TUSC3: variants seen among roughly 807,000 people sequenced by gnomAD.
TUSC3 encodes the protein tumor suppressor candidate 3.
TUSC3 carries 45 observed loss-of-function variants against 44.8 expected under a neutral mutation model. The observed-to-expected ratio is 1.00, with a 90% CI of 0.79 to 1.29. The LOEUF is 1.29. TUSC3 is among the 50% of genes most tolerant of loss of function. The probability of loss-of-function intolerance (pLI) is 0.00; values close to 1 mark genes in which losing one functional copy is unlikely to be tolerated. For missense variants in TUSC3, 519 were observed against 437.9 expected (o/e 1.19, Z -1.65); for synonymous variants, 212 against 152.9 (o/e 1.39, Z -2.85).
chr8:15,433,043 G>C (rs1799889985), intron 1 of TUSC3, among the ~76,000 whole-genome samples: 1 of 152,178 alleles, frequency 6.6e-6, no homozygotes, highest in South Asian at 2.1e-4. Flanking sequence ...ACTGAAGGGA[G>C]TTGATAGGGG....
At chr8:15,551,842 A>C (rs1398317119) in intron 1 of TUSC3, among the ~76,000 whole-genome samples, 5 of 151,728 alleles carry the variant, frequency 3.3e-5, no homozygotes, top group African/African-American at 1.2e-4. Flanking sequence ...TTCCTTCAAA[A>C]GTTACTTCTG....
At chr8:15,688,594 C>T (rs899784956) in intron 6 of TUSC3, among the ~76,000 whole-genome samples, 17 of 152,000 alleles carry the variant, frequency 1.1e-4, no homozygotes, top group South Asian at 4.2e-4. Flanking sequence ...TCAAGTATAC[C>T]CTAGTATCTG....
At chr8:15,634,626 C>G (rs1805980499) in intron 2 of TUSC3, among the ~76,000 whole-genome samples, 1 of 152,148 alleles carries the variant, frequency 6.6e-6, no homozygotes, top group Non-Finnish European at 1.5e-5. Flanking sequence ...GAGAGCTGCA[C>G]CAGTGTGTTT....
At chr8:15,757,347 G>T (rs1473395019) in intron 9 of TUSC3, among the ~76,000 whole-genome samples, 1 of 152,120 alleles carries the variant, frequency 6.6e-6, no homozygotes, top group Non-Finnish European at 1.5e-5. Flanking sequence ...CAGAATAACA[G>T]CTAAAAATGA....
chr8:15,459,919 T>C (rs568088837), intron 1 of TUSC3, among the ~76,000 whole-genome samples: 65 of 152,204 alleles, frequency 4.3e-4, no homozygotes, highest in African/African-American at 1.6e-3. Context: ...TACCACAGTT[T>C]CTTTATCCAC....
In TUSC3 at chr8:15,451,730, G is replaced by A. The variant is rs188518357; in HGVS notation, n.92-31656G>A. 2.8e-4 allele frequency among the ~76,000 whole-genome samples: 43 copies of A among 152,210 alleles called. No homozygotes were observed. In the East Asian group the frequency reaches 7.0e-3, roughly 25 times the overall value. On this transcript the variant is annotated intron_variant and non_coding_transcript_variant, in intron 1 of 5. Coordinates refer to the TUSC3 transcript ENST00000503191. ...CAGGTGAGAACCTGGGCTTGCAATC[G>A]ATGGGGGCAATATTGTGTGACTGAG...
At chr8:15,571,579 C>G (rs1802879580) in intron 1 of TUSC3, among the ~76,000 whole-genome samples, 1 of 152,138 alleles carries the variant, frequency 6.6e-6, no homozygotes, top group Admixed American at 6.5e-5. Context: ...TTGATGGCTA[C>G]TGACCAATAA....
intron 6 of TUSC3, among the ~76,000 whole-genome samples, chr8:15,719,226 C>T (rs954093227): frequency 6.6e-6 from 1 of 152,064 alleles, no homozygotes; most frequent in Non-Finnish European, 1.5e-5. Flanking sequence ...GACCCTCTTA[C>T]ATTTCCTTGA....
In TUSC3 at chr8:15,748,564, G is replaced by A. The variant is rs746380584; in HGVS notation, c.1028+99G>A. The A allele has an allele frequency of 4.2e-6, 5 of 1,194,098 alleles. No individual in the cohort carries two copies. In the East Asian group the frequency reaches 7.0e-5, roughly 17 times the overall value. 74.0% of individuals were successfully genotyped at this position (1,194,098 alleles called of 1,614,324 possible). On this transcript the variant is annotated intron_variant, in intron 9 of 10. Transcript: ENST00000503731. Reference sequence around the variant, plus strand: ...TTAAGGATGAATGTAAAGTTGCTGTGTGGTTTTTTTAAATTCAGTTAAGCA... The same window carrying A: ...TTAAGGATGAATGTAAAGTTGCTGTATGGTTTTTTTAAATTCAGTTAAGCA...
Position 15,693,581 on chromosome 8 carries a change from T to G in TUSC3, c.798+19745T>G, listed in dbSNP as rs370299439. Among the ~76,000 whole-genome samples the G allele has an allele frequency of 2.0e-5, 3 of 151,568 alleles. No individual in the cohort carries two copies. The South Asian group carries it at 6.3e-4, about 32-fold the overall frequency. On this transcript the variant is annotated intron_variant, in intron 6 of 10. Coordinates refer to ENST00000503731, the MANE Select transcript of TUSC3 (RefSeq NM_006765.4). ...GGCCCTTTTCTCTAGCTGCCTTAGCTTTTTTTTCCTTTCATTTTGACCTTA... is the reference window on the plus strand; with the variant it reads ...GGCCCTTTTCTCTAGCTGCCTTAGCGTTTTTTTCCTTTCATTTTGACCTTA...
chr8:15,573,168 T>TCTCTCTCTCTC (rs1563296867), intron 1 of TUSC3, among the ~76,000 whole-genome samples: 2 of 85,548 alleles, frequency 2.3e-5, no homozygotes, highest in African/African-American at 1.0e-4. Flanking sequence ...TTCTCTCTCT[T>TCTCTCTCTCTC]TCTCTCTCTC....
chr8:15,741,180 T>C (rs1314036967), intron 7 of TUSC3, among the ~76,000 whole-genome samples: 2 of 152,182 alleles, frequency 1.3e-5, no homozygotes, highest in African/African-American at 4.8e-5. Context: ...TATATGTGTA[T>C]AAAATTTGAC....
At chr8:15,565,388 G>A (rs1321893800) in intron 1 of TUSC3, among the ~76,000 whole-genome samples, 1 of 152,086 alleles carries the variant, frequency 6.6e-6, no homozygotes, top group Non-Finnish European at 1.5e-5. Flanking sequence ...CACATCTTGT[G>A]TCAGGTAAGG....
At chr8:15,806,142 C>G in the TUSC3 span, 1 of 450,312 alleles carries the variant, frequency 2.2e-6, no homozygotes, top group Admixed American at 2.8e-5. Flanking sequence ...GCTAGATGAG[C>G]AGTTTTAGCA....
rs146465621 is a variant in TUSC3, at chr8:15,581,994, T to C, written c.139-41086T>C. Reference sequence around the variant, plus strand: ...GGCGTAGGACCCTCTGAGCCAGGTGTGGGATATAATCTTGTGGTGCGCCGC... The same window carrying C: ...GGCGTAGGACCCTCTGAGCCAGGTGCGGGATATAATCTTGTGGTGCGCCGC... On this transcript the variant is annotated intron_variant, in intron 1 of 10. Transcript: ENST00000503731. Among the ~76,000 whole-genome samples the C allele has an allele frequency of 9.3e-3, 1,406 of 151,812 alleles. 19 individuals carry two copies. The highest frequency in any genetic ancestry group is 0.032 in the African/African-American group (1,318 of 41,238).
chr8:15,587,105 C>A (rs1317806526), intron 1 of TUSC3, among the ~76,000 whole-genome samples: 2 of 151,960 alleles, frequency 1.3e-5, no homozygotes, highest in Non-Finnish European at 2.9e-5. Flanking sequence ...TTTATTTTGT[C>A]CTGAAACAAA....
Position 15,660,214 on chromosome 8 carries a change from G to A in TUSC3, c.567+567G>A, listed in dbSNP as rs559951515. Among the ~76,000 whole-genome samples, 101 of 151,636 alleles carry A rather than the reference G, an allele frequency of 6.7e-4. No individual in the cohort carries two copies. In the Middle Eastern group the frequency reaches 0.01, roughly 15 times the overall value. On this transcript the variant is annotated intron_variant, in intron 4 of 10. Coordinates refer to ENST00000503731, the MANE Select transcript of TUSC3 (RefSeq NM_006765.4). ...TTTGAAAATAATATTCATTTTATTGGGAAAAATTGAATATAAATCAAATGT... is the reference window on the plus strand; with the variant it reads ...TTTGAAAATAATATTCATTTTATTGAGAAAAATTGAATATAAATCAAATGT...
chr8:15,504,329 C>G (rs1801015262), intron 2 of TUSC3, among the ~76,000 whole-genome samples: 1 of 151,850 alleles, frequency 6.6e-6, no homozygotes, highest in Non-Finnish European at 1.5e-5. Context: ...TCTAAAACCT[C>G]ATAGAGGTTT....
the TUSC3 span, among the ~76,000 whole-genome samples, chr8:15,832,413 G>C: frequency 1.3e-5 from 2 of 152,086 alleles, no homozygotes; most frequent in Admixed American, 6.6e-5. Context: ...ATGATGACAG[G>C]ATCAAATCCA....
Sources: gnomAD v4.1 joint callset for allele counts (sites outside exome capture counted in the v4.1 genomes callset) on GRCh38, gnomAD v4.1.1 for gene constraint, MANE v1.5 for transcripts, NCBI Gene and HGNC (gene_info 2026-07-23, HGNC 2026-07-21) for gene names.